Variants in ABR observed in about 807,000 individuals in gnomAD.
The protein encoded by ABR is ABR activator of RhoGEF and GTPase, also known as active breakpoint cluster region-related protein.
ABR carries 35 observed loss-of-function variants against 107.2 expected under a neutral mutation model. The ratio of observed to expected loss-of-function variants is 0.33; its 90% CI spans 0.25 to 0.43. ABR has a LOEUF of 0.43. Ranked by LOEUF, ABR falls within the 20% of genes least tolerant of loss-of-function variation. ABR has a pLI of 1.00. For synonymous variants in ABR, 498 were observed against 462.0 expected (o/e 1.08, Z -1.00); for missense variants, 815 against 1,115.2 (o/e 0.73, Z 3.83).
At chr17:1,091,556 G>A (rs1278813875) in intron 4 of ABR, 109 bp downstream of exon 4, 13 of 1,272,994 alleles carry the variant, frequency 1.0e-5, no homozygotes, top group South Asian at 1.4e-5. Flanking sequence ...AGAGGTCTCA[G>A]GCCTTCAAGG....
At position 1,015,851 on chromosome 17, in the gene ABR, C is replaced by T. The variant is rs370302387; in HGVS notation, c.1792-2687G>A. 5.3e-5 allele frequency among the ~76,000 whole-genome samples: 8 copies of T among 152,146 alleles called. No homozygotes were observed. The South Asian group carries it at 1.0e-3, about 20-fold the overall frequency. On this transcript the variant is annotated intron_variant, in intron 16 of 22. Coordinates refer to ENST00000302538, the MANE Select transcript of ABR (RefSeq NM_021962.5). ...GGGCGGAACATTTTTTGCTTTAGTT[C>T]GCGTATCTATAGGGTATTATTTTTT... is the stretch of plus-strand genomic sequence containing the variant.
intron 1 of ABR, among the ~76,000 whole-genome samples, chr17:1,212,417 C>T (rs933866380): frequency 6.6e-6 from 1 of 150,908 alleles, no homozygotes; most frequent in Non-Finnish European, 1.5e-5. Context: ...GGCAATAGAC[C>T]ATGACACTGT....
chr17:1,018,783 G>A (rs1329817907), intron 16 of ABR, among the ~76,000 whole-genome samples: 1 of 152,204 alleles, frequency 6.6e-6, no homozygotes, highest in African/African-American at 2.4e-5. Context: ...AGCTCTTCCT[G>A]CAAGTCTGAC....
At chr17:1,068,321 T>A (rs2034927802) in intron 9 of ABR, among the ~76,000 whole-genome samples, 1 of 152,172 alleles carries the variant, frequency 6.6e-6, no homozygotes, top group South Asian at 2.1e-4. Flanking sequence ...AGTGTTGAGG[T>A]GGGCGTGGGG....
intron 1 of ABR, among the ~76,000 whole-genome samples, chr17:1,138,010 C>G (rs57422401): frequency 0.038 from 5,814 of 151,818 alleles, 139 homozygotes; most frequent in Middle Eastern, 0.072. Flanking sequence ...AAGCAATTCT[C>G]CTGCCTCAGC....
intron 2 of ABR, among the ~76,000 whole-genome samples, chr17:1,102,287 G>C (rs1017399641): frequency 6.6e-6 from 1 of 152,222 alleles, no homozygotes; most frequent in African/African-American, 2.4e-5. Context: ...CGTGGCCACA[G>C]AAGGGGAGTG....
chr17:1,198,288 G>A (rs11651083), intron 1 of ABR, among the ~76,000 whole-genome samples: 71,367 of 151,244 alleles, frequency 0.47, 20,808 homozygotes, highest in Non-Finnish European at 0.66. Context: ...CCCCAACGTC[G>A]GTACACGTGG....
chr17:1,027,741 G>A lies in ABR; in HGVS notation c.1792-14577C>T, dbSNP rs937940510. Among the ~76,000 whole-genome samples the A allele has an allele frequency of 2.0e-5, 3 of 152,010 alleles. No homozygotes were observed. Among genetic ancestry groups the A allele is most frequent in the Non-Finnish European group, 1.5e-5 (1 of 67,996 alleles). On this transcript the variant is annotated intron_variant, in intron 16 of 22. Coordinates refer to ENST00000302538, the MANE Select transcript of ABR (RefSeq NM_021962.5). This position sits in a 1 kb window ranked among gnomAD's most constrained non-coding sequence, Gnocchi z 4.7. The stretch of plus-strand genomic sequence containing the variant: ...GTCCCCTGTCTGTGGCTGAGGGGTC[G>A]CTATGGGGGTGTGTGTGAACAGAGA...
intron 4 of ABR, among the ~76,000 whole-genome samples, chr17:1,088,633 TG>T (rs1470676396): frequency 6.6e-6 from 1 of 152,016 alleles, no homozygotes; most frequent in Non-Finnish European, 1.5e-5. Context: ...TCGCCCAGGC[TG>T]GAGTGGAGTG....
chr17:1,057,305 GGTTTGTGTGTGT>G (rs1435159028), intron 12 of ABR, among the ~76,000 whole-genome samples: 1,883 of 136,388 alleles, frequency 0.014, 135 homozygotes, highest in South Asian at 0.021. Context: ...TAACTGAAGA[GGTTTGTGTGTGT>G]GTGTGTGTGT....
intron 1 of ABR, among the ~76,000 whole-genome samples, chr17:1,136,963 A>T (rs1305368377): frequency 9.9e-5 from 15 of 151,584 alleles, no homozygotes; most frequent in Admixed American, 9.9e-4. Flanking sequence ...CTTCCAGCCT[A>T]TCTTGGCTTT....
At chr17:1,206,882 C>T (rs965469894) in intron 1 of ABR, among the ~76,000 whole-genome samples, 2 of 152,060 alleles carry the variant, frequency 1.3e-5, no homozygotes, top group African/African-American at 4.8e-5. Context: ...GCCAGGAGTT[C>T]GAGACCACCC....
At chr17:1,018,101 G>A (rs2071309917) in intron 16 of ABR, among the ~76,000 whole-genome samples, 1 of 151,594 alleles carries the variant, frequency 6.6e-6, no homozygotes, top group South Asian at 2.1e-4. Flanking sequence ...GGAGTGCTGT[G>A]GCGCGATCCT....
chr17:1,164,901 C>T (rs2041446030), intron 1 of ABR, among the ~76,000 whole-genome samples: 1 of 152,166 alleles, frequency 6.6e-6, no homozygotes, highest in Admixed American at 6.5e-5. Context: ...CTCCTGGCCT[C>T]AAGTGATCCT....
intron 21 of ABR, among the ~76,000 whole-genome samples, chr17:1,009,239 C>G (rs2070323045): frequency 8.7e-6 from 1 of 114,814 alleles, no homozygotes; most frequent in African/African-American, 4.5e-5. Context: ...GTCCATTCCC[C>G]ACTGCTGTCC....
chr17:1,080,378 C>G (rs926654931), intron 5 of ABR, among the ~76,000 whole-genome samples: 10 of 152,194 alleles, frequency 6.6e-5, no homozygotes, highest in African/African-American at 2.4e-4. Flanking sequence ...TGCTCCAAGC[C>G]TCTTTATCCT....
At chr17:1,023,004 C>T (rs2071818760) in intron 16 of ABR, among the ~76,000 whole-genome samples, 2 of 146,008 alleles carry the variant, frequency 1.4e-5, no homozygotes, top group African/African-American at 5.3e-5. Flanking sequence ...ACGTCCGCTC[C>T]AGAGCCTCTG....
rs562242168 is a variant in ABR at position 1,020,123 on chromosome 17, G to A, written c.1792-6959C>T. On this transcript the variant is annotated intron_variant, in intron 16 of 22. Coordinates refer to ENST00000302538, the MANE Select transcript of ABR (RefSeq NM_021962.5). ...TTTTGAGACGGAGTCGCACTCTGTC[G>A]CCCAGGCTGGAGTGCAGTGGCGCGA... Among the ~76,000 whole-genome samples the A allele has an allele frequency of 3.9e-5, 6 of 151,970 alleles. 1 individual carries two copies. The South Asian group carries it at 8.3e-4, about 21-fold the overall frequency.
At chr17:1,199,279 C>A (rs917271224) in intron 1 of ABR, among the ~76,000 whole-genome samples, 1 of 150,972 alleles carries the variant, frequency 6.6e-6, no homozygotes, top group Admixed American at 6.6e-5. Flanking sequence ...GAAGATCACC[C>A]GGGCTGCTGG....
Sources: gnomAD v4.1 joint callset for allele counts (sites outside exome capture counted in the v4.1 genomes callset) on GRCh38, gnomAD v4.1.1 for gene constraint, Gnocchi (gnomAD v3.1) non-coding constraint, MANE v1.5 for transcripts, NCBI Gene and HGNC (gene_info 2026-07-23, HGNC 2026-07-21) for gene names.